The following SCAPER variants were observed in gnomAD, a reference collection of about 807,000 sequenced individuals.
SCAPER encodes the protein S-phase cyclin A associated protein in the ER, also known as S phase cyclin A-associated protein in the endoplasmic reticulum.
A neutral mutation model predicts 182.2 loss-of-function variants in SCAPER; 98 were observed. The observed-to-expected ratio is 0.54, with a 90% CI of 0.46 to 0.64. SCAPER has a LOEUF of 0.64. Ranked by LOEUF, SCAPER falls within the 30% of genes least tolerant of loss-of-function variation. The pLI is 0.00. For missense variants in SCAPER, 1,432 were observed against 1,690.0 expected, an observed-to-expected ratio of 0.85 and a Z score of 2.68; for synonymous variants, 605 against 564.6, an observed-to-expected ratio of 1.07 and a Z score of -1.01.
intron 26 of SCAPER, 65 bp from the exon 27 acceptor site, chr15:76,404,744 G>C: frequency 6.6e-7 from 1 of 1,522,106 alleles, no homozygotes; most frequent in Non-Finnish European, 8.9e-7. Context: ...CACCTTCAAT[G>C]ATAAATGCTA....
chr15:76,707,105 C>T (rs1425741536), intron 17 of SCAPER, among the ~76,000 whole-genome samples: 2 of 151,398 alleles, frequency 1.3e-5, no homozygotes, highest in African/African-American at 4.9e-5. Context: ...TATAGTAAGT[C>T]GATGAATACT....
At chr15:76,880,156 C>T (rs961073193) in intron 2 of SCAPER, among the ~76,000 whole-genome samples, 2 of 152,128 alleles carry the variant, frequency 1.3e-5, no homozygotes, top group South Asian at 2.1e-4. Flanking sequence ...TTGACCTCTG[C>T]GACAGAGGCT....
At chr15:76,771,682 T>C (rs762575803) in intron 10 of SCAPER, 60 bp downstream of exon 10, 1 of 1,262,834 alleles carries the variant, frequency 7.9e-7, no homozygotes, top group South Asian at 1.3e-5. Flanking sequence ...TTGGGGTTTA[T>C]GCTTCTTAAA....
At chr15:76,652,309 T>C (rs12442761) in intron 21 of SCAPER, among the ~76,000 whole-genome samples, 1,495 of 13,800 alleles carry the variant, frequency 0.11, 231 homozygotes, top group East Asian at 0.18. Context: ...TATATATATA[T>C]ACACACACAC....
At chr15:76,897,540 T>C (rs1196858665) in intron 1 of SCAPER, among the ~76,000 whole-genome samples, 2 of 152,014 alleles carry the variant, frequency 1.3e-5, no homozygotes, top group Non-Finnish European at 2.9e-5. Context: ...ACCCCATCGC[T>C]ACCAAAAATA....
intron 5 of SCAPER, among the ~76,000 whole-genome samples, chr15:76,811,278 T>C (rs1029584076): frequency 3.3e-5 from 5 of 151,990 alleles, no homozygotes; most frequent in Non-Finnish European, 7.4e-5. Flanking sequence ...CAAATTAAAA[T>C]CATACCAAGT....
intron 23 of SCAPER, among the ~76,000 whole-genome samples, chr15:76,545,348 G>T (rs547166694): frequency 1.2e-4 from 19 of 152,250 alleles, no homozygotes; most frequent in Non-Finnish European, 2.8e-4. Flanking sequence ...TGCTAGAGAT[G>T]CAACTGCTTG....
At chr15:76,618,070 C>T (rs923099549) in intron 22 of SCAPER, among the ~76,000 whole-genome samples, 5 of 152,106 alleles carry the variant, frequency 3.3e-5, no homozygotes, top group African/African-American at 1.2e-4. Context: ...ACCAGTCTGA[C>T]CAACCCTGGT....
chr15:76,461,330 CT>C (rs58709477), intron 25 of SCAPER, among the ~76,000 whole-genome samples: 44,017 of 143,074 alleles, frequency 0.31, 6,987 homozygotes, highest in East Asian at 0.58. Flanking sequence ...TATTACCCAA[CT>C]TTTTTTTTTT....
chr15:76,435,006 T>C (rs540128861), intron 25 of SCAPER, among the ~76,000 whole-genome samples: 1 of 152,352 alleles, frequency 6.6e-6, no homozygotes, highest in East Asian at 1.9e-4. Flanking sequence ...ATTCCACAAA[T>C]GTACTTACTT....
chr15:76,361,435 T>C (rs1028123478), intron 29 of SCAPER, among the ~76,000 whole-genome samples: 5 of 152,190 alleles, frequency 3.3e-5, no homozygotes, highest in Non-Finnish European at 5.9e-5. Context: ...GTGCCCAGTT[T>C]TTCCACAAAA....
intron 22 of SCAPER, among the ~76,000 whole-genome samples, chr15:76,589,393 C>A (rs776492605): frequency 6.6e-6 from 1 of 152,158 alleles, no homozygotes; most frequent in African/African-American, 2.4e-5. Flanking sequence ...GGGCTTGCTG[C>A]GGCAATGGAG....
At chr15:76,784,714 G>C (rs2064448633) in intron 8 of SCAPER, among the ~76,000 whole-genome samples, 3 of 152,052 alleles carry the variant, frequency 2.0e-5, no homozygotes, top group Non-Finnish European at 4.4e-5. Flanking sequence ...CAGAACAGAG[G>C]CCTCAGAAAT....
chr15:76,445,442 G>A (rs1159969785), intron 25 of SCAPER, among the ~76,000 whole-genome samples: 2 of 152,084 alleles, frequency 1.3e-5, no homozygotes, highest in Non-Finnish European at 2.9e-5. Context: ...GTATCTTATT[G>A]AAATCTTGTT....
chr15:76,378,021 C>G (rs1230896161), intron 28 of SCAPER, among the ~76,000 whole-genome samples: 1 of 152,148 alleles, frequency 6.6e-6, no homozygotes, highest in Non-Finnish European at 1.5e-5. Flanking sequence ...TGTTCTTAAT[C>G]TCTATTTTAC....
At chr15:76,426,697 C>A (rs1015103813) in intron 26 of SCAPER, among the ~76,000 whole-genome samples, 1 of 151,680 alleles carries the variant, frequency 6.6e-6, no homozygotes, top group East Asian at 1.9e-4. Context: ...ACATTCTTCA[C>A]ACACAAAAAA....
At chr15:76,718,527 G>A (rs1340489796) in intron 17 of SCAPER, among the ~76,000 whole-genome samples, 1 of 151,938 alleles carries the variant, frequency 6.6e-6, no homozygotes, top group African/African-American at 2.4e-5. Context: ...TATAATCCCA[G>A]CTACTCGGGT....
intron 21 of SCAPER, among the ~76,000 whole-genome samples, chr15:76,651,202 T>G (rs1025072586): frequency 2.6e-5 from 4 of 151,910 alleles, no homozygotes; most frequent in Non-Finnish European, 5.9e-5. Flanking sequence ...GCAGCAAAAA[T>G]TTGTTATTTC....
intron 1 of SCAPER, among the ~76,000 whole-genome samples, chr15:76,899,990 A>G (rs1220474784): frequency 6.6e-6 from 1 of 152,244 alleles, no homozygotes; most frequent in East Asian, 1.9e-4. Flanking sequence ...TTTGTTCTAT[A>G]CTAAGAAAAA....
Sources: gnomAD v4.1 joint callset for allele counts (sites outside exome capture counted in the v4.1 genomes callset) on GRCh38, gnomAD v4.1.1 for gene constraint, MANE v1.5 for transcripts, NCBI Gene and HGNC (gene_info 2026-07-23, HGNC 2026-07-21) for gene names.